The following L1CAM variants were observed in gnomAD, a reference collection of about 807,000 sequenced individuals.
The protein encoded by L1CAM is neural cell adhesion molecule L1.
L1CAM carries 8 observed loss-of-function variants against 93.0 expected under a neutral mutation model. That is an observed-to-expected ratio of 0.09 (90% CI 0.05 to 0.16). The LOEUF (loss-of-function observed/expected upper bound fraction) is 0.16, where lower values mean the gene tolerates loss of function less well. Among genes scored for constraint, L1CAM ranks in the 10% least tolerant of loss-of-function variants. The pLI is 1.00. For missense variants in L1CAM, 777 were observed against 1,073.4 expected, an observed-to-expected ratio of 0.72 and a Z score of 3.86; for synonymous variants, 453 against 453.0, an observed-to-expected ratio of 1.00 and a Z score of 0.00.
chrX:153,869,875 G>A lies in L1CAM; in HGVS notation c.1051C>T (p.Arg351Cys). Residue 351 changes from arginine to cysteine, a missense_variant, in exon 10 of 29, where the codon CGC becomes TGC. This residue lies in a region of L1CAM where 574 missense variants were observed against 781.0 expected (regional missense o/e 0.73). Transcript: ENST00000370060. ...SHLYGPGETA[R>C]LDCQVQGRPQ... ...CTGCCCTGGACTTGGCAGTCCAGGCGGGCAGTCTCTCCTGGCCCATATAGA... is the reference window on the plus strand; with the variant it reads ...CTGCCCTGGACTTGGCAGTCCAGGCAGGCAGTCTCTCCTGGCCCATATAGA... 3.3e-6 allele frequency: 4 copies of A among 1,209,850 alleles called. No homozygotes were observed. The highest frequency in any genetic ancestry group is 4.5e-6 in the Non-Finnish European group (4 of 894,625).
Position 153,863,439 on chromosome X carries a change from G to A in L1CAM, c.3530+38C>T, listed in dbSNP as rs1294221369. On this transcript the variant is annotated intron_variant, in intron 27 of 28. Transcript: ENST00000370060. ...GGGGGTGAGATGTGAAGGCCAGGGT[G>A]GAGCTGAGTGCCAGCACCCACTCCT... 5.8e-6 allele frequency: 7 copies of A among 1,205,798 alleles called. No individual in the cohort carries two copies. The East Asian group carries it at 1.2e-4, about 20-fold the overall frequency.
intron 1 of L1CAM, chrX:153,885,800 C>T: frequency 1.3e-6 from 1 of 781,237 alleles, no homozygotes; most frequent in South Asian, 3.6e-5. Flanking sequence ...CCCTGTTCTC[C>T]CGCCCAGGCC....
At position 153,865,151 on chromosome X, in the gene L1CAM, G is replaced by C; in HGVS notation, c.2809C>G (p.Arg937Gly). 1.7e-6 allele frequency: 2 copies of C among 1,208,326 alleles called. No individual in the cohort carries two copies. The highest frequency in any genetic ancestry group is 1.1e-6 in the Non-Finnish European group (1 of 894,170). The change falls in exon 22 of 29, where the codon CGC becomes GGC. Residue 937 changes from arginine to glycine, a missense_variant. Arg to Gly is a moderately radical substitution (Grantham distance 125). This residue lies in a region of L1CAM where 71 missense variants were observed against 77.4 expected (regional missense o/e 0.92). Transcript: ENST00000370060. ...ECQSNTSLLL[R>G]WQPPLSHNGV... is the part of the protein sequence containing the mutation. ...TTGTGGCTGAGTGGGGGCTGCCAGC[G>C]CAGCAGCAGGCTGGTGTTCGACTGG...
intron 2 of L1CAM, among the ~76,000 whole-genome samples, chrX:153,874,868 G>A (rs1298544529): frequency 2.7e-5 from 3 of 111,737 alleles, no homozygotes; most frequent in Non-Finnish European, 3.8e-5. Context: ...CCCCCCACAC[G>A]CAAGTGTGTA....
chrX:153,871,022 C>A (rs199930138), intron 6 of L1CAM, 35 bp downstream of exon 6: 1 of 1,211,247 alleles, frequency 8.3e-7, no homozygotes, highest in Non-Finnish European at 1.1e-6. Flanking sequence ...CGCTAACACC[C>A]CGACCCCACG....
intron 2 of L1CAM, chrX:153,875,556 G>A: frequency 2.0e-6 from 1 of 510,196 alleles, no homozygotes; most frequent in Non-Finnish European, 3.5e-6. Context: ...CCCTGTCCAT[G>A]GTCCTGACAC....
At chrX:153,864,118 G>T in intron 25 of L1CAM, 101 bp from the exon 26 acceptor site, 1 of 1,115,547 alleles carries the variant, frequency 9.0e-7, no homozygotes, top group East Asian at 3.0e-5. Context: ...GGGGGGCTAA[G>T]GAGTGACAGG....
rs1396882759 is a variant in L1CAM, at chrX:153,870,066, G to A, written c.981C>T (p.Val327=). The A allele has an allele frequency of 2.5e-6, 3 of 1,210,292 alleles. No individual in the cohort carries two copies. The African/African-American group carries it at 5.2e-5, about 21-fold the overall frequency. ...SLGSARHAYY[V]TVEAAPYWLH... is the part of the protein sequence containing the mutation. ...CCAGGAGGTCCATACCCTCCACGGT[G>A]ACATAGTACGCATGCCGGGCACTGC... Residue 327 remains valine (V), a synonymous_variant, in exon 9 of 29, where the codon GTC becomes GTT. Coordinates refer to ENST00000370060, the MANE Select transcript of L1CAM (RefSeq NM_001278116.2).
chrX:153,872,050 C>T lies in L1CAM; in HGVS notation c.400+102G>A, dbSNP rs1424290987. 6 of 698,525 alleles carry T rather than the reference C, an allele frequency of 8.6e-6. No homozygotes were observed. The Admixed American group carries it at 1.5e-4, about 18-fold the overall frequency. 57.6% of individuals were successfully genotyped at this position (698,525 alleles called of 1,213,427 possible). A position where few individuals can be genotyped will look rare whatever the true frequency, so the allele number is the denominator to read the frequency against. On this transcript the variant is annotated intron_variant, in intron 5 of 28. Coordinates refer to ENST00000370060, the MANE Select transcript of L1CAM (RefSeq NM_001278116.2). Reference sequence around the variant, plus strand: ...TGGGGTGGAGGGCTGGCAGGACACCCAGGCCCCTCGCCACGAGACAACTGG... The same window carrying T: ...TGGGGTGGAGGGCTGGCAGGACACCTAGGCCCCTCGCCACGAGACAACTGG...
chrX:153,865,527 A>G, intron 20 of L1CAM, 27 bp from the exon 21 acceptor site: 1 of 1,174,380 alleles, frequency 8.5e-7, no homozygotes, highest in Non-Finnish European at 1.2e-6. Context: ...GAGACCTCGC[A>G]GGGGCAGAAG....
chrX:153,861,672 T>C lies in L1CAM; in HGVS notation c.*991A>G, dbSNP rs2064661950. On this transcript the variant is annotated 3_prime_UTR_variant, in exon 29 of 29. Transcript: ENST00000370060. The stretch of plus-strand genomic sequence containing the variant: ...AGTGCTGGGAGAACCAATCTTTCCT[T>C]TTTTTTTGTCTGTTTTTATTTTTCC... The C allele has an allele frequency of 9.1e-6, 1 of 110,319 alleles. No homozygotes were observed. Among genetic ancestry groups the C allele is most frequent in the Admixed American group, 9.7e-5 (1 of 10,279 alleles). The allele number at this position is 110,319 out of a possible 1,213,427, so 9.1% of individuals were successfully genotyped here.
chrX:153,869,280 A>G, intron 11 of L1CAM: 1 of 468,309 alleles, frequency 2.1e-6, no homozygotes, highest in Non-Finnish European at 3.7e-6. Context: ...GGCCTTGGTC[A>G]CATCCTGTGG....
intron 1 of L1CAM, among the ~76,000 whole-genome samples, chrX:153,879,282 TA>T: frequency 9.1e-6 from 1 of 109,722 alleles, no homozygotes; most frequent in Non-Finnish European, 1.9e-5. Flanking sequence ...TGGAGATGGT[TA>T]GGGGGTGGGG....
intron 2 of L1CAM, 159 bp downstream of exon 2, chrX:153,875,602 G>T (rs781814238): frequency 1.9e-6 from 1 of 540,475 alleles, no homozygotes; most frequent in Non-Finnish European, 3.3e-6. Context: ...CTCTCCGGGG[G>T]TACCCAACGT....
rs2064690456 is a variant in L1CAM at position 153,864,194 on chromosome X, GGGA to G, written c.3322+125_3322+127del. ...GCTGATTCGGGGACACCCAGATTCT[GGGA>G]GGAGAAGCAGACAGGAGCCGTGGAG... On this transcript the variant is annotated intron_variant, in intron 25 of 28. Coordinates refer to ENST00000370060, the MANE Select transcript of L1CAM (RefSeq NM_001278116.2). The G allele has an allele frequency of 8.0e-6, 8 of 1,002,873 alleles. No homozygotes were observed. The South Asian group carries it at 1.3e-4, about 17-fold the overall frequency. The allele number at this position is 1,002,873 out of a possible 1,213,427, so 82.6% of individuals were successfully genotyped here.
In L1CAM at chrX:153,868,667, C is replaced by T; in HGVS notation, c.1440G>A (p.Gly480=). ...QDERFFPYAN[G]TLGIRDLQAN... is the part of the protein sequence containing the mutation. ...CCTGGAGGTCTCGAATGCCCAGGGTCCCATTGGCATAGGGGAAGAAGCGTT... is the reference window on the plus strand; with the variant it reads ...CCTGGAGGTCTCGAATGCCCAGGGTTCCATTGGCATAGGGGAAGAAGCGTT... Residue 480 remains glycine (G), a synonymous_variant, in exon 13 of 29, where the codon GGG becomes GGA. Coordinates refer to ENST00000370060, the MANE Select transcript of L1CAM (RefSeq NM_001278116.2). The T allele has an allele frequency of 8.3e-7, 1 of 1,211,446 alleles. No individual in the cohort carries two copies.
intron 2 of L1CAM, among the ~76,000 whole-genome samples, chrX:153,873,670 G>A (rs1311427299): frequency 8.9e-6 from 1 of 112,698 alleles, no homozygotes; most frequent in Non-Finnish European, 1.9e-5. Flanking sequence ...GCTCCAGCCT[G>A]CTTCCCTCCT....
At position 153,870,049 on chromosome X, in the gene L1CAM, T is replaced by A. The variant is rs2064753511; in HGVS notation, c.991+7A>T. ...CATCACAGGCCACTGTCCCAGGAGG[T>A]CCATACCCTCCACGGTGACATAGTA... On this transcript the variant is annotated splice_region_variant and intron_variant, in intron 9 of 28. Transcript: ENST00000370060. 8.3e-7 allele frequency: 1 copy of A among 1,209,769 alleles called. No individual in the cohort carries two copies. The highest frequency in any genetic ancestry group is 1.8e-5 in the South Asian group (1 of 56,922).
chrX:153,874,994 C>T (rs4646263), intron 2 of L1CAM, among the ~76,000 whole-genome samples: 43,458 of 111,157 alleles, frequency 0.39, 7,566 homozygotes, highest in East Asian at 0.67. Flanking sequence ...CTCACACAGT[C>T]ACCCATGTAA....
Sources: allele counts gnomAD v4.1 joint callset (sites outside exome capture counted in the v4.1 genomes callset), GRCh38; gene constraint gnomAD v4.1.1; regional missense constraint gnomAD v4.1.1; transcripts MANE v1.5; gene names NCBI Gene and HGNC (gene_info 2026-07-23, HGNC 2026-07-21).